NPR3: variants seen among roughly 807,000 people sequenced by gnomAD.
NPR3 encodes atrial natriuretic peptide receptor 3.
In NPR3, 34 loss-of-function variants were observed where a neutral mutation model predicts 54.5. That is an observed-to-expected ratio of 0.62 (90% confidence interval 0.47 to 0.83). The LOEUF (loss-of-function observed/expected upper bound fraction) is 0.83. Among genes scored for constraint, NPR3 ranks in the 40% least tolerant of loss-of-function variants. The pLI is 0.00. For missense variants in NPR3, 674 were observed against 720.8 expected, an observed-to-expected ratio of 0.94 and a Z score of 0.74; for synonymous variants, 289 against 297.1, an observed-to-expected ratio of 0.97 and a Z score of 0.28.
intron 3 of NPR3, among the ~76,000 whole-genome samples, chr5:32,765,587 A>G (rs1009362087): frequency 3.3e-5 from 5 of 152,240 alleles, no homozygotes; most frequent in South Asian, 2.1e-4. Flanking sequence ...TGGCTTGTGC[A>G]TCAGGGAGCT....
chr5:32,784,775 T>C (rs762732181), intron 6 of NPR3, 21 bp from the exon 7 acceptor site: 4 of 1,594,220 alleles, frequency 2.5e-6, no homozygotes, highest in Non-Finnish European at 2.6e-6. Context: ...GAACCCTGAT[T>C]ATCCATGCTT....
intron 2 of NPR3, among the ~76,000 whole-genome samples, chr5:32,730,138 G>A (rs1374946302): frequency 1.3e-5 from 2 of 151,902 alleles, no homozygotes; most frequent in African/African-American, 2.4e-5. Flanking sequence ...TTATCCCAGG[G>A]ATGCAAAGTT....
At chr5:32,711,318 AC>A, upstream of NPR3, 1 of 985,874 alleles carries the variant, frequency 1.0e-6, no homozygotes, top group Non-Finnish European at 1.2e-6. Flanking sequence ...GGATCCAGGA[AC>A]CGGCGCGAAT....
chr5:32,779,504 G>C (rs550929395), intron 4 of NPR3, among the ~76,000 whole-genome samples: 1 of 152,154 alleles, frequency 6.6e-6, no homozygotes, highest in Non-Finnish European at 1.5e-5. Context: ...CCAGCCTTAC[G>C]TGTCACTGAC....
At position 32,712,363 on chromosome 5, in the gene NPR3, A is replaced by T; in HGVS notation, c.587A>T (p.His196Leu). The change falls in exon 1 of 8, where the codon CAC (histidine) becomes CTC (leucine). Residue 196 changes from histidine to leucine, a missense_variant. By Grantham distance (99) the His-to-Leu change is moderately conservative. Transcript: ENST00000265074. The stretch of plus-strand genomic sequence containing the variant: ...ATGCTCGCCCTGTTCCGCCACCACC[A>T]CTGGAGCCGCGCTGCACTGGTCTAC... ...EMMLALFRHH[H>L]WSRAALVYSD... The T allele has an allele frequency of 6.2e-7, 1 of 1,612,716 alleles. No homozygotes were observed. The highest frequency in any genetic ancestry group is 1.1e-5 in the South Asian group (1 of 90,938).
At chr5:32,741,411 C>G (rs2111955435) in intron 3 of NPR3, among the ~76,000 whole-genome samples, 1 of 152,216 alleles carries the variant, frequency 6.6e-6, no homozygotes, top group South Asian at 2.1e-4. Context: ...AGAGTAAGAC[C>G]CTGTCTCAAA....
At chr5:32,743,963 G>A (rs978939795) in intron 3 of NPR3, among the ~76,000 whole-genome samples, 3 of 149,936 alleles carry the variant, frequency 2.0e-5, no homozygotes, top group Admixed American at 1.3e-4. Context: ...GTGAACCAAG[G>A]GGAAATCTAT....
intron 1 of NPR3, among the ~76,000 whole-genome samples, chr5:32,700,588 G>A (rs142751125): frequency 0.019 from 2,794 of 148,366 alleles, 52 homozygotes; most frequent in Non-Finnish European, 0.03. Flanking sequence ...GATGTTCCTC[G>A]CCCTGTGTCC....
At chr5:32,749,969 A>G (rs187722840) in intron 3 of NPR3, among the ~76,000 whole-genome samples, 383 of 152,220 alleles carry the variant, frequency 2.5e-3, no homozygotes, top group African/African-American at 7.0e-3. Context: ...TAATCTTGCT[A>G]TTTTCAGTGC....
At chr5:32,740,512 T>G (rs1248953704) in intron 3 of NPR3, among the ~76,000 whole-genome samples, 1 of 152,192 alleles carries the variant, frequency 6.6e-6, no homozygotes, top group Non-Finnish European at 1.5e-5. Flanking sequence ...CTTTTGACTT[T>G]TTAAATCAGT....
In NPR3 at chr5:32,711,847, CCGGTGGCGGTGGCGTTGGCGG is replaced by C; in HGVS notation, c.75_95del (p.Val29_Gly35del). On this transcript the variant is annotated inframe_deletion, in exon 1 of 8. Coordinates refer to ENST00000265074, the MANE Select transcript of NPR3 (RefSeq NM_001204375.2). ...GGCTGGGCGTTGCTGGCCGGCGGCA[CCGGTGGCGGTGGCGTTGGCGG>C]CGGCGGCGGTGGCGCGGGCATAGGC... 6.8e-7 allele frequency: 1 copy of C among 1,462,414 alleles called. No individual in the cohort carries two copies. The highest frequency in any genetic ancestry group is 9.0e-7 in the Non-Finnish European group (1 of 1,109,276). 90.6% of individuals were successfully genotyped at this position (1,462,414 alleles called of 1,614,324 possible). A position where few individuals can be genotyped will look rare whatever the true frequency, so the allele number is the denominator to read the frequency against.
At chr5:32,770,995 T>C (rs549139570) in intron 3 of NPR3, among the ~76,000 whole-genome samples, 138 of 152,230 alleles carry the variant, frequency 9.1e-4, no homozygotes, top group Non-Finnish European at 1.6e-3. Flanking sequence ...GCTGACCTTG[T>C]TCCTTTCAGC....
intron 1 of NPR3, among the ~76,000 whole-genome samples, chr5:32,696,147 G>C (rs1463525811): frequency 6.6e-6 from 1 of 152,116 alleles, no homozygotes; most frequent in Non-Finnish European, 1.5e-5. Flanking sequence ...CAGTTTCATA[G>C]TTTGAGGTCT....
chr5:32,786,387 A>G lies in NPR3; in HGVS notation c.*42A>G. On this transcript the variant is annotated 3_prime_UTR_variant, in exon 8 of 8. Transcript: ENST00000265074. Reference sequence around the variant, plus strand: ...TTTTTTTTTCTGCCTGAGATTCTTTAAGGAGATAGACGGGTTGAAAGACAT... The same window carrying G: ...TTTTTTTTTCTGCCTGAGATTCTTTGAGGAGATAGACGGGTTGAAAGACAT... 1 of 786,080 alleles carries G rather than the reference A, an allele frequency of 1.3e-6. No individual in the cohort carries two copies. Among genetic ancestry groups the G allele is most frequent in the Non-Finnish European group, 2.2e-6 (1 of 450,964 alleles). 48.7% of individuals were successfully genotyped at this position (786,080 alleles called of 1,614,324 possible).
intron 3 of NPR3, among the ~76,000 whole-genome samples, chr5:32,761,512 T>C (rs77350017): frequency 0.028 from 4,266 of 152,162 alleles, 76 homozygotes; most frequent in Middle Eastern, 0.088. Context: ...TATATACTGG[T>C]GTTTGTTTCT....
rs369731308 is a variant in NPR3 at position 32,728,815 on chromosome 5, TTGTGTGTGTG to T, written c.892+4009_892+4018del. Among the ~76,000 whole-genome samples the T allele has an allele frequency of 1.7e-3, 131 of 77,020 alleles. 2 individuals carry two copies. Among genetic ancestry groups the T allele is most frequent in the African/African-American group, 3.0e-3 (56 of 18,928 alleles). The allele number at this position is 77,020 out of a possible 152,430, so 50.5% of individuals were successfully genotyped here. A position where few individuals can be genotyped will look rare whatever the true frequency, so the allele number is the denominator to read the frequency against. ...AGCTTTTATTTGGATTTTGGAATAT[TTGTGTGTGTG>T]TGTGTGTGTGTGTATATATATATAT... On this transcript the variant is annotated intron_variant, in intron 2 of 7. Coordinates refer to ENST00000265074, the MANE Select transcript of NPR3 (RefSeq NM_001204375.2).
At chr5:32,713,185 G>A in intron 1 of NPR3, 5 of 985,378 alleles carry the variant, frequency 5.1e-6, no homozygotes, top group Non-Finnish European at 6.0e-6. Context: ...GAATTCTGGC[G>A]ACACTCACTT....
At chr5:32,778,605 C>T (rs1742187548) in intron 4 of NPR3, among the ~76,000 whole-genome samples, 1 of 152,174 alleles carries the variant, frequency 6.6e-6, no homozygotes. Flanking sequence ...GTGGCTTAAA[C>T]TTTGAGCTCC....
At chr5:32,716,000 C>A (rs1417891249) in intron 1 of NPR3, among the ~76,000 whole-genome samples, 2 of 152,054 alleles carry the variant, frequency 1.3e-5, no homozygotes, top group Admixed American at 6.6e-5. Context: ...AAGGAAAGAA[C>A]CCATGATAAG....
Sources: gnomAD v4.1 joint callset for allele counts (sites outside exome capture counted in the v4.1 genomes callset) on GRCh38, gnomAD v4.1.1 for gene constraint, MANE v1.5 for transcripts, NCBI Gene and HGNC (gene_info 2026-07-23, HGNC 2026-07-21) for gene names.